Variants in ANKRD36C observed in about 807,000 individuals in gnomAD.
ANKRD36C encodes ankyrin repeat domain 36C, also known as ankyrin repeat domain-containing protein 36C.
ANKRD36C carries 61 observed loss-of-function variants against 276.4 expected under a neutral mutation model. The ratio of observed to expected loss-of-function variants is 0.22; its 90% CI spans 0.18 to 0.27. The LOEUF (loss-of-function observed/expected upper bound fraction) is 0.27. Ranked by LOEUF, ANKRD36C falls within the 10% of genes least tolerant of loss-of-function variation. The probability of loss-of-function intolerance (pLI) is 1.00; values close to 1 mark genes in which losing one functional copy is unlikely to be tolerated. For synonymous variants in ANKRD36C, 483 were observed against 680.1 expected (o/e 0.71, Z 4.51); for missense variants, 1,447 against 2,032.3 (o/e 0.71, Z 5.54).
At chr2:95,862,333 G>C (rs1257956995) in intron 60 of ANKRD36C, among the ~76,000 whole-genome samples, 4 of 152,004 alleles carry the variant, frequency 2.6e-5, no homozygotes, top group African/African-American at 9.7e-5. Flanking sequence ...CAAAGTATGT[G>C]CCCTGACCAC....
chr2:95,914,150 T>C, exon 40 of ANKRD36C: 1 of 1,583,610 alleles, frequency 6.3e-7, no homozygotes, highest in Non-Finnish European at 8.6e-7. Context: ...CTGGCTATAT[T>C]CAAAACAGAA....
chr2:95,918,553 G>C (rs759131229), intron 34 of ANKRD36C, among the ~76,000 whole-genome samples: 12 of 151,686 alleles, frequency 7.9e-5, no homozygotes, highest in Admixed American at 7.2e-4. Context: ...TTCAGTGGAA[G>C]TGTCCTAAAT....
In ANKRD36C at chr2:95,950,735, C is replaced by G; in HGVS notation, c.1295+14G>C. The stretch of plus-strand genomic sequence containing the variant: ...TAGTTAACATATCACTTTAAAAAAT[C>G]TCTGAAATCATACCTGTCAACAGCC... On this transcript the variant is annotated intron_variant, in intron 16 of 66. Transcript: ENST00000456556. 5 of 1,534,182 alleles carry G rather than the reference C, an allele frequency of 3.3e-6. No homozygotes were observed. Among genetic ancestry groups the G allele is most frequent in the Non-Finnish European group, 4.4e-6 (5 of 1,145,464 alleles).
chr2:95,927,271 T>G, exon 28 of ANKRD36C: 1 of 1,610,164 alleles, frequency 6.2e-7, no homozygotes. Context: ...ACAGAATCTT[T>G]CTCATCACTT....
chr2:95,931,001 C>T (rs951129046), intron 24 of ANKRD36C, among the ~76,000 whole-genome samples: 1 of 151,658 alleles, frequency 6.6e-6, no homozygotes, highest in African/African-American at 2.4e-5. Context: ...AATTACCTCA[C>T]TAGCTGCTTT....
At chr2:95,918,409 T>G (rs1393319184) in intron 34 of ANKRD36C, among the ~76,000 whole-genome samples, 2 of 151,788 alleles carry the variant, frequency 1.3e-5, no homozygotes, top group African/African-American at 2.4e-5. Context: ...TGATCCCACA[T>G]GTCTTTCATG....
At chr2:95,880,846 T>C (rs1268739912) in intron 56 of ANKRD36C, among the ~76,000 whole-genome samples, 2 of 152,138 alleles carry the variant, frequency 1.3e-5, no homozygotes, top group Non-Finnish European at 2.9e-5. Flanking sequence ...AAAAGTGAGA[T>C]TATGCACCAC....
intron 62 of ANKRD36C, among the ~76,000 whole-genome samples, chr2:95,856,418 A>G (rs1156318347): frequency 1.3e-5 from 2 of 152,190 alleles, no homozygotes; most frequent in Non-Finnish European, 2.9e-5. Context: ...AAACCACTAG[A>G]TAATTTTTTT....
intron 12 of ANKRD36C, among the ~76,000 whole-genome samples, chr2:95,957,759 T>A (rs1175804810): frequency 7.0e-6 from 1 of 142,472 alleles, no homozygotes; most frequent in Non-Finnish European, 1.6e-5. Context: ...GTTTCTAAAA[T>A]AGTCTGGTTT....
intron 3 of ANKRD36C, among the ~76,000 whole-genome samples, chr2:95,984,461 T>C (rs1266488964): frequency 6.6e-6 from 1 of 152,224 alleles, no homozygotes; most frequent in Non-Finnish European, 1.5e-5. Flanking sequence ...ACTAAACACA[T>C]CTATGGGACA....
chr2:95,914,446 T>G, intron 38 of ANKRD36C, 143 bp from the exon 41 acceptor site: 2 of 1,077,768 alleles, frequency 1.9e-6, no homozygotes, highest in Non-Finnish European at 2.7e-6. Context: ...GTCTGGGGAC[T>G]AGAACATGAT....
chr2:95,932,410 T>C (rs535000304), intron 24 of ANKRD36C, among the ~76,000 whole-genome samples: 1 of 152,276 alleles, frequency 6.6e-6, no homozygotes, highest in Non-Finnish European at 1.5e-5. Context: ...ATCTGAAATA[T>C]ATATCACTGA....
In ANKRD36C at chr2:95,919,647, C is replaced by T. The variant is rs577991986; in HGVS notation, c.2246-1605G>A. The stretch of plus-strand genomic sequence containing the variant: ...AATGTGCAGCTTCGGCGACTCCCCC[C>T]ACCCACCCTCCGCTGATTTATTCGG... On this transcript the variant is annotated intron_variant, in intron 34 of 66. Transcript: ENST00000456556. 5 of 612,884 alleles carry T rather than the reference C, an allele frequency of 8.2e-6. 2 individuals carry two copies. The highest frequency in any genetic ancestry group is 1.4e-4 in the South Asian group (2 of 14,690). The allele number at this position is 612,884 out of a possible 1,614,324, so 38.0% of individuals were successfully genotyped here.
In ANKRD36C at chr2:95,950,421, T is replaced by C. The variant is rs527996493; in HGVS notation, c.1295+328A>G. Reference sequence around the variant, plus strand: ...TAAATAAGTACCGTGGCCCCATTGCTGCATAGGCCTCTATCCATCTATGCT... The same window carrying C: ...TAAATAAGTACCGTGGCCCCATTGCCGCATAGGCCTCTATCCATCTATGCT... On this transcript the variant is annotated intron_variant, in intron 16 of 66. Transcript: ENST00000456556. Among the ~76,000 whole-genome samples, 282 of 142,390 alleles carry C rather than the reference T, an allele frequency of 2.0e-3. No individual in the cohort carries two copies. The East Asian group carries it at 0.022, about 11-fold the overall frequency. The allele number at this position is 142,390 out of a possible 152,430, so 93.4% of individuals were successfully genotyped here. A position where few individuals can be genotyped will look rare whatever the true frequency, so the allele number is the denominator to read the frequency against.
At chr2:95,886,496 A>C (rs1676206424) in intron 50 of ANKRD36C, among the ~76,000 whole-genome samples, 1 of 151,640 alleles carries the variant, frequency 6.6e-6, no homozygotes, top group Non-Finnish European at 1.5e-5. Flanking sequence ...ACTAAAATAA[A>C]AGTGTCAATT....
chr2:95,902,790 G>A, intron 42 of ANKRD36C, 96 bp downstream of exon 54: 1 of 1,358,824 alleles, frequency 7.4e-7, no homozygotes, highest in South Asian at 1.3e-5. Flanking sequence ...GAATCAGAAT[G>A]TGCAGCTTCA....
exon 56 of ANKRD36C, chr2:95,882,325 G>A (rs778986901): frequency 2.9e-4 from 455 of 1,551,748 alleles, no homozygotes; most frequent in Middle Eastern, 1.4e-3. Flanking sequence ...CCAACCGCCC[G>A]TTATTCTTGT....
chr2:95,956,644 T>C, intron 13 of ANKRD36C, 142 bp downstream of exon 13: 2 of 841,504 alleles, frequency 2.4e-6, no homozygotes, highest in Non-Finnish European at 3.4e-6. Context: ...TTTGTAAAGC[T>C]GTGTGGAGAT....
In ANKRD36C at chr2:95,919,822, A is replaced by C. The variant is rs1269101409; in HGVS notation, c.2246-1780T>G. Reference sequence around the variant, plus strand: ...AGTTGTAGCCTGAATGGAATTTGAAAGAAAATAATAAATAAATAAATCAAT... The same window carrying C: ...AGTTGTAGCCTGAATGGAATTTGAACGAAAATAATAAATAAATAAATCAAT... On this transcript the variant is annotated intron_variant, in intron 34 of 66. Transcript: ENST00000456556. The C allele has an allele frequency of 1.6e-4, 236 of 1,500,248 alleles. 21 individuals carry two copies. Among genetic ancestry groups the C allele is most frequent in the Non-Finnish European group, 1.8e-4 (205 of 1,119,598 alleles). The allele number at this position is 1,500,248 out of a possible 1,614,324, so 92.9% of individuals were successfully genotyped here.
Sources: gnomAD v4.1 joint callset for allele counts (sites outside exome capture counted in the v4.1 genomes callset) on GRCh38, gnomAD v4.1.1 for gene constraint, MANE v1.5 for transcripts, NCBI Gene and HGNC (gene_info 2026-07-23, HGNC 2026-07-21) for gene names.